Variants in LRRC56 observed in about 807,000 individuals in gnomAD.
LRRC56 encodes the protein leucine rich repeat containing 56.
Under a neutral mutation model 47.8 loss-of-function variants are expected in LRRC56, and 41 were observed. The observed-to-expected ratio is 0.86, with a 90% CI of 0.67 to 1.11. The LOEUF (loss-of-function observed/expected upper bound fraction) is 1.11, where lower values mean the gene tolerates loss of function less well. Ranked by LOEUF, LRRC56 falls within the 50% of genes most tolerant of loss-of-function variation. The probability of loss-of-function intolerance (pLI) is 0.00; values close to 1 mark genes in which losing one functional copy is unlikely to be tolerated. For missense variants in LRRC56, 759 were observed against 704.2 expected (o/e 1.08, Z -0.88); for synonymous variants, 387 against 311.2 (o/e 1.24, Z -2.56).
chr11:513,497 A>C, the LRRC56 span, among the ~76,000 whole-genome samples: 5 of 152,308 alleles, frequency 3.3e-5, no homozygotes, highest in Admixed American at 3.3e-4. Flanking sequence ...CCTGGTGAAG[A>C]TGCTCTAAAC....
At chr11:528,669 C>T in the LRRC56 span, 189 of 152,308 alleles carry the variant, frequency 1.2e-3, no homozygotes, top group Non-Finnish European at 2.1e-3. Context: ...TCTCGAGCCA[C>T]GGGGGTGACA....
chr11:532,466 C>T, the LRRC56 span: 2 of 907,032 alleles, frequency 2.2e-6, no homozygotes, highest in South Asian at 3.3e-5. Context: ...CTTCCTTCCT[C>T]CTCCTTCCGT....
rs149829728 is a variant in LRRC56, at chr11:541,737, C to T, written c.265+113C>T. 23 of 661,184 alleles carry T rather than the reference C, an allele frequency of 3.5e-5. No homozygotes were observed. Among genetic ancestry groups the T allele is most frequent in the East Asian group, 2.6e-4 (8 of 30,868 alleles). The allele number at this position is 661,184 out of a possible 1,614,324, so 41.0% of individuals were successfully genotyped here. Reference sequence around the variant, plus strand: ...TGTCCTCACCTCTCGGGCCGCGTATCGGCTTCCTTAGGGTTGGCCTCTGAC... The same window carrying T: ...TGTCCTCACCTCTCGGGCCGCGTATTGGCTTCCTTAGGGTTGGCCTCTGAC... On this transcript the variant is annotated intron_variant, in intron 5 of 13. Coordinates refer to ENST00000270115, the MANE Select transcript of LRRC56 (RefSeq NM_198075.4). The surrounding 1 kb of genome is among the most constrained non-coding windows in gnomAD (Gnocchi z 4.1).
In LRRC56 at chr11:554,880, A is replaced by G. The variant is rs1158438036; in HGVS notation, c.*604A>G. On this transcript the variant is annotated 3_prime_UTR_variant, in exon 14 of 14. Transcript: ENST00000270115. ...TGTACAGAAATGCGGTTTACTTTGT[A>G]GGCCACGTTGGTTCAATAAATGATG... The G allele has an allele frequency of 2.4e-6, 2 of 816,532 alleles. No homozygotes were observed. Among genetic ancestry groups the G allele is most frequent in the African/African-American group, 1.8e-5 (1 of 54,404 alleles). The allele number at this position is 816,532 out of a possible 1,614,324, so 50.6% of individuals were successfully genotyped here.
the LRRC56 span, among the ~76,000 whole-genome samples, chr11:517,709 G>T: frequency 6.6e-6 from 1 of 152,192 alleles, no homozygotes; most frequent in African/African-American, 2.4e-5. Flanking sequence ...GATGACAGTG[G>T]CAGTTTTGTC....
chr11:521,759 C>CA, the LRRC56 span, among the ~76,000 whole-genome samples: 3 of 151,932 alleles, frequency 2.0e-5, no homozygotes, highest in African/African-American at 7.2e-5. Context: ...CTAAAAAATA[C>CA]AAAAAATTAG....
chr11:527,871 T>A, the LRRC56 span, among the ~76,000 whole-genome samples: 1 of 152,040 alleles, frequency 6.6e-6, no homozygotes, highest in Non-Finnish European at 1.5e-5. Context: ...CGGCTAATTT[T>A]GTATTTTTTT....
At chr11:525,651 T>TTA in the LRRC56 span, among the ~76,000 whole-genome samples, 1 of 152,012 alleles carries the variant, frequency 6.6e-6, no homozygotes, top group Non-Finnish European at 1.5e-5. Context: ...ATCCGAATAC[T>TTA]TAGAGAGGCT....
intron 4 of LRRC56, 45 bp downstream of exon 4, chr11:540,906 G>A (rs924473876): frequency 6.9e-7 from 1 of 1,445,578 alleles, no homozygotes; most frequent in African/African-American, 1.4e-5. Context: ...GCCTCCGTGG[G>A]GTGACATCCC....
At chr11:517,260 C>T in the LRRC56 span, among the ~76,000 whole-genome samples, 5 of 152,158 alleles carry the variant, frequency 3.3e-5, no homozygotes, top group South Asian at 2.1e-4. Context: ...AGCCTCTGCC[C>T]GGCCGCCACC....
the LRRC56 span, among the ~76,000 whole-genome samples, chr11:523,672 C>A: frequency 2.6e-5 from 4 of 151,290 alleles, no homozygotes; most frequent in Non-Finnish European, 4.4e-5. Flanking sequence ...GTGGCTCACG[C>A]CTATAATTCC....
Position 541,609 on chromosome 11 carries a change from A to C in LRRC56, c.250A>C (p.Ser84Arg), listed in dbSNP as rs751795941. Residue 84 changes from serine (S) to arginine (R), a missense_variant, in exon 5 of 14, where the codon AGC (serine) becomes CGC (arginine). Transcript: ENST00000270115. The surrounding 1 kb of genome is among the most constrained non-coding windows in gnomAD (Gnocchi z 4.1). ...LEMCVDTREG[S>R]LGNFGVHLPN... ...GATGTGTGTGGACACTCGTGAGGGC[A>C]GCCTGGGGAACTTTGGTGAGCCTCT... 62 of 1,577,112 alleles carry C rather than the reference A, an allele frequency of 3.9e-5. No homozygotes were observed. The highest frequency in any genetic ancestry group is 4.7e-5 in the Non-Finnish European group (55 of 1,160,064).
chr11:513,087 C>T, the LRRC56 span, among the ~76,000 whole-genome samples: 1,815 of 152,384 alleles, frequency 0.012, 47 homozygotes, highest in African/African-American at 0.042. Flanking sequence ...CTGCCCAGCA[C>T]ACCCCGCCTG....
intron 13 of LRRC56, 28 bp downstream of exon 13, chr11:552,730 G>T (rs538694618): frequency 6.4e-7 from 1 of 1,569,948 alleles, no homozygotes; most frequent in Non-Finnish European, 8.6e-7. Context: ...CTGCCCCCCA[G>T]TGCCTGGGAG....
the LRRC56 span, among the ~76,000 whole-genome samples, chr11:511,897 G>A: frequency 3.3e-4 from 50 of 152,282 alleles, no homozygotes; most frequent in African/African-American, 1.0e-3. Flanking sequence ...GCTGTGCAGC[G>A]GCAGAGCATG....
the LRRC56 span, among the ~76,000 whole-genome samples, chr11:515,566 C>T: frequency 6.6e-6 from 1 of 152,198 alleles, no homozygotes; most frequent in Non-Finnish European, 1.5e-5. Context: ...AGGCCAGGCA[C>T]AGTGCTCACA....
At chr11:535,463 G>A (rs8176336), upstream of LRRC56, 15,344 of 147,074 alleles carry the variant, frequency 0.1, 906 homozygotes, top group South Asian at 0.18. Context: ...GGCCGAGGCC[G>A]GGGCGGGGCG....
At chr11:545,909 A>T (rs771706853) in intron 6 of LRRC56, among the ~76,000 whole-genome samples, 38 of 152,182 alleles carry the variant, frequency 2.5e-4, no homozygotes, top group South Asian at 6.2e-4. Flanking sequence ...GGATAAGGGT[A>T]TTCATTAAGC....
At chr11:532,456 C>T in the LRRC56 span, 4 of 862,508 alleles carry the variant, frequency 4.6e-6, no homozygotes, top group Non-Finnish European at 7.1e-6. Flanking sequence ...TGCTTCCGTC[C>T]TTCCTTCCTC....
Sources: allele counts gnomAD v4.1 joint callset (sites outside exome capture counted in the v4.1 genomes callset), GRCh38; gene constraint gnomAD v4.1.1; non-coding constraint Gnocchi (gnomAD v3.1); transcripts MANE v1.5; gene names NCBI Gene and HGNC (gene_info 2026-07-23, HGNC 2026-07-21).